The following GNAL variants were observed in gnomAD, a reference collection of about 807,000 sequenced individuals.
The protein encoded by GNAL is G protein subunit alpha L.
In GNAL, 18 loss-of-function variants were observed where a neutral mutation model predicts 55.1. The observed-to-expected ratio is 0.33, with a 90% CI of 0.23 to 0.48. GNAL has a LOEUF of 0.48. GNAL is among the 20% of genes least tolerant of loss of function. The pLI, the probability that GNAL is intolerant of heterozygous loss-of-function variation, is 0.99. For missense variants in GNAL, 412 were observed against 614.1 expected, an observed-to-expected ratio of 0.67 and a Z score of 3.48; for synonymous variants, 253 against 237.0, an observed-to-expected ratio of 1.07 and a Z score of -0.62.
intron 1 of GNAL, among the ~76,000 whole-genome samples, chr18:11,734,026 G>A (rs542655647): frequency 4.6e-4 from 70 of 152,230 alleles, no homozygotes; most frequent in Non-Finnish European, 8.1e-4. Flanking sequence ...TGAAGATGTG[G>A]GGTGGCCTCA....
chr18:11,807,209 G>A (rs562861558), intron 4 of GNAL, among the ~76,000 whole-genome samples: 11 of 151,924 alleles, frequency 7.2e-5, no homozygotes, highest in African/African-American at 2.4e-4. Context: ...CTACATCCTC[G>A]CAAAGGACAT....
At chr18:11,855,581 T>C (rs939130505) in intron 5 of GNAL, among the ~76,000 whole-genome samples, 3 of 152,202 alleles carry the variant, frequency 2.0e-5, no homozygotes, top group African/African-American at 7.2e-5. Flanking sequence ...TAAAGCTGTT[T>C]CTTGCTGAAG....
chr18:11,778,078 G>A (rs951817222), intron 4 of GNAL, among the ~76,000 whole-genome samples: 7 of 152,144 alleles, frequency 4.6e-5, no homozygotes, highest in Non-Finnish European at 8.8e-5. Context: ...TTACCATGTC[G>A]CCTCCAGACA....
chr18:11,862,880 ATTTT>A (rs35630944), intron 6 of GNAL, among the ~76,000 whole-genome samples: 2 of 135,120 alleles, frequency 1.5e-5, no homozygotes, highest in Non-Finnish European at 1.6e-5. Context: ...GCACTCCACC[ATTTT>A]TTTTTTTTTT....
intron 4 of GNAL, among the ~76,000 whole-genome samples, chr18:11,787,810 C>T (rs1260961124): frequency 6.6e-6 from 1 of 150,698 alleles, no homozygotes; most frequent in Non-Finnish European, 1.5e-5. Flanking sequence ...AGAGGTGGAG[C>T]TTGCAGTGAG....
intron 5 of GNAL, among the ~76,000 whole-genome samples, chr18:11,839,739 G>A (rs2035573692): frequency 6.6e-6 from 1 of 152,148 alleles, no homozygotes; most frequent in South Asian, 2.1e-4. Context: ...AAAAAGGAAT[G>A]AGGAGCTGAA....
chr18:11,785,119 A>G (rs1274704261), intron 4 of GNAL, among the ~76,000 whole-genome samples: 1 of 152,144 alleles, frequency 6.6e-6, no homozygotes, highest in African/African-American at 2.4e-5. Context: ...GCCATTGGAA[A>G]TGTGCACCTG....
chr18:11,864,482 TGAA>T (rs749044016), intron 6 of GNAL, 48 bp from the exon 7 acceptor site: 55 of 931,098 alleles, frequency 5.9e-5, no homozygotes, highest in Non-Finnish European at 8.8e-5. Flanking sequence ...GGCTTTACCT[TGAA>T]GAAGAACAGT....
At chr18:11,831,417 C>G (rs1415170648) in intron 5 of GNAL, among the ~76,000 whole-genome samples, 2 of 152,198 alleles carry the variant, frequency 1.3e-5, no homozygotes, top group African/African-American at 4.8e-5. Flanking sequence ...CACACACTCT[C>G]TCCAAGCCTG....
intron 7 of GNAL, 29 bp downstream of exon 7, chr18:11,864,635 C>T (rs752307195): frequency 5.0e-6 from 6 of 1,198,250 alleles, no homozygotes; most frequent in Non-Finnish European, 7.5e-6. Context: ...GCTGCATGGC[C>T]CAGGGCCACA....
intron 1 of GNAL, among the ~76,000 whole-genome samples, chr18:11,695,083 G>A (rs2143291831): frequency 6.6e-6 from 1 of 152,112 alleles, no homozygotes; most frequent in South Asian, 2.1e-4. Context: ...TGAATTCAGG[G>A]GGATGGGAAG....
At chr18:11,753,396 T>C (rs899923822) in intron 2 of GNAL, among the ~76,000 whole-genome samples, 16 of 152,220 alleles carry the variant, frequency 1.1e-4, no homozygotes, top group Non-Finnish European at 1.6e-4. Flanking sequence ...TGTTTAAAGC[T>C]ATAGATTTTT....
intron 6 of GNAL, among the ~76,000 whole-genome samples, chr18:11,863,402 C>A (rs2036191823): frequency 6.6e-6 from 1 of 152,212 alleles, no homozygotes; most frequent in African/African-American, 2.4e-5. Context: ...GCCCTGGGCC[C>A]CCAAGGTGGG....
intron 2 of GNAL, 153 bp from the exon 3 acceptor site, chr18:11,753,475 A>G (rs1393315791): frequency 1.7e-6 from 1 of 578,562 alleles, no homozygotes; most frequent in Non-Finnish European, 3.1e-6. Context: ...CCTTTCCCAG[A>G]TAAAACCTTT....
chr18:11,724,242 G>A (rs112753563), intron 1 of GNAL, among the ~76,000 whole-genome samples: 2,567 of 152,258 alleles, frequency 0.017, 65 homozygotes, highest in African/African-American at 0.057. Flanking sequence ...AGCCTCTGGG[G>A]GGGACCTCAG....
chr18:11,840,437 T>G (rs1337644012), intron 5 of GNAL, among the ~76,000 whole-genome samples: 1 of 152,208 alleles, frequency 6.6e-6, no homozygotes, highest in Non-Finnish European at 1.5e-5. Context: ...TAACCTCAAT[T>G]GAACATGTTT....
intron 4 of GNAL, among the ~76,000 whole-genome samples, chr18:11,821,310 A>C (rs1485968059): frequency 6.6e-6 from 1 of 152,242 alleles, no homozygotes; most frequent in Non-Finnish European, 1.5e-5. Context: ...TAATATATAC[A>C]TAATAAAAGG....
intron 1 of GNAL, among the ~76,000 whole-genome samples, chr18:11,696,298 C>T (rs1169371936): frequency 4.0e-5 from 6 of 151,814 alleles, no homozygotes; most frequent in Admixed American, 6.6e-5. Context: ...GTCAGGAGCT[C>T]GAGACCATCC....
At chr18:11,844,940 A>C (rs1260170297) in intron 5 of GNAL, among the ~76,000 whole-genome samples, 1 of 152,016 alleles carries the variant, frequency 6.6e-6, no homozygotes, top group Non-Finnish European at 1.5e-5. Context: ...ATCTTGGCTC[A>C]CTGCAACCTC....
Sources: allele counts gnomAD v4.1 joint callset (sites outside exome capture counted in the v4.1 genomes callset), GRCh38; gene constraint gnomAD v4.1.1; transcripts MANE v1.5; gene names NCBI Gene and HGNC (gene_info 2026-07-23, HGNC 2026-07-21).